KCND2: variants seen among roughly 807,000 people sequenced by gnomAD.
KCND2 encodes A-type voltage-gated potassium channel KCND2.
In KCND2, 16 loss-of-function variants were observed where a neutral mutation model predicts 54.4. That is an observed-to-expected ratio of 0.29 (90% CI 0.20 to 0.45). The LOEUF (loss-of-function observed/expected upper bound fraction) is 0.45, where lower values mean the gene tolerates loss of function less well. KCND2 is among the 20% of genes least tolerant of loss of function. The pLI is 1.00. For missense variants in KCND2, 486 were observed against 824.2 expected (o/e 0.59, Z 5.02); for synonymous variants, 317 against 310.7 (o/e 1.02, Z -0.21).
At chr7:120,449,869 G>A (rs1328446443) in intron 1 of KCND2, among the ~76,000 whole-genome samples, 1 of 152,194 alleles carries the variant, frequency 6.6e-6, no homozygotes, top group African/African-American at 2.4e-5. Flanking sequence ...AAAGCATTGA[G>A]CAAAACTCAG....
chr7:120,690,606 G>A (rs1402166752), intron 1 of KCND2, among the ~76,000 whole-genome samples: 2 of 152,078 alleles, frequency 1.3e-5, no homozygotes, highest in Non-Finnish European at 2.9e-5. Context: ...GGAACAGATG[G>A]GTGTAAGAAG....
intron 1 of KCND2, among the ~76,000 whole-genome samples, chr7:120,560,105 G>A (rs1163987225): frequency 6.6e-6 from 1 of 152,060 alleles, no homozygotes; most frequent in Non-Finnish European, 1.5e-5. Context: ...ACAGCATGTT[G>A]GCCAAAATTG....
At chr7:120,643,926 A>G (rs1176267546) in intron 1 of KCND2, among the ~76,000 whole-genome samples, 1 of 151,282 alleles carries the variant, frequency 6.6e-6, no homozygotes, top group Non-Finnish European at 1.5e-5. Flanking sequence ...TTTATATGTT[A>G]TTATTTTTAG....
At chr7:120,539,213 A>G (rs77862261) in intron 1 of KCND2, among the ~76,000 whole-genome samples, 109 of 152,300 alleles carry the variant, frequency 7.2e-4, no homozygotes, top group East Asian at 5.8e-4. Flanking sequence ...ACATATTTAT[A>G]CTTTCTCATG....
At chr7:120,691,411 CA>C (rs1792267355) in intron 1 of KCND2, among the ~76,000 whole-genome samples, 1 of 152,034 alleles carries the variant, frequency 6.6e-6, no homozygotes, top group Non-Finnish European at 1.5e-5. Context: ...AGAGATTGGA[CA>C]GTAAATATAT....
chr7:120,584,760 G>T (rs73721425), intron 1 of KCND2, among the ~76,000 whole-genome samples: 2 of 152,124 alleles, frequency 1.3e-5, no homozygotes, highest in African/African-American at 4.8e-5. Flanking sequence ...GCACACACAC[G>T]CATGCGCGTG....
At chr7:120,456,702 G>C (rs1004128860) in intron 1 of KCND2, among the ~76,000 whole-genome samples, 1 of 152,146 alleles carries the variant, frequency 6.6e-6, no homozygotes, top group Admixed American at 6.5e-5. Context: ...AGCTGGCATT[G>C]AGTGTCTGTG....
chr7:120,493,773 G>C (rs1802814857), intron 1 of KCND2, among the ~76,000 whole-genome samples: 1 of 152,102 alleles, frequency 6.6e-6, no homozygotes. Context: ...CATGGGAGTG[G>C]AAACTGGTAC....
At chr7:120,592,191 A>G in intron 1 of KCND2, among the ~76,000 whole-genome samples, 1 of 152,136 alleles carries the variant, frequency 6.6e-6, no homozygotes, top group East Asian at 1.9e-4. Context: ...TTCTGACAAA[A>G]CACCATCCTG....
chr7:120,745,064 A>G (rs1031236987), intron 4 of KCND2, among the ~76,000 whole-genome samples: 4 of 152,292 alleles, frequency 2.6e-5, no homozygotes, highest in South Asian at 2.1e-4. Flanking sequence ...CCAAATGCAT[A>G]CAGAGATCAT....
rs551559751 is a variant in KCND2 at position 120,678,147 on chromosome 7, A to G, written c.1116-54756A>G. Among the ~76,000 whole-genome samples, 4 of 151,918 alleles carry G rather than the reference A, an allele frequency of 2.6e-5. No individual in the cohort carries two copies. In the East Asian group the frequency reaches 7.7e-4, roughly 29 times the overall value. Reference sequence around the variant, plus strand: ...ATTCACTGTGTTACATTTAAACATCATAATGATTCTTGAACATAAACTCTG... The same window carrying G: ...ATTCACTGTGTTACATTTAAACATCGTAATGATTCTTGAACATAAACTCTG... On this transcript the variant is annotated intron_variant, in intron 1 of 5. Coordinates refer to ENST00000331113, the MANE Select transcript of KCND2 (RefSeq NM_012281.3).
At position 120,671,509 on chromosome 7, in the gene KCND2, A is replaced by G. The variant is rs1158937341; in HGVS notation, c.1116-61394A>G. 2.0e-5 allele frequency among the ~76,000 whole-genome samples: 3 copies of G among 152,010 alleles called. No homozygotes were observed. The East Asian group carries it at 5.8e-4, about 29-fold the overall frequency. ...TACCTGAGTTCTGGATACAGGAGCC[A>G]CTCAGTAAATATTTGTCGCATTAAA... On this transcript the variant is annotated intron_variant, in intron 1 of 5. Transcript: ENST00000331113.
chr7:120,299,027 G>T (rs1221453013), intron 1 of KCND2, among the ~76,000 whole-genome samples: 1 of 152,128 alleles, frequency 6.6e-6, no homozygotes. Flanking sequence ...GGGGGCAGTG[G>T]CAGATGCCTG....
At chr7:120,343,470 G>T (rs1056670256) in intron 1 of KCND2, among the ~76,000 whole-genome samples, 19 of 152,108 alleles carry the variant, frequency 1.2e-4, no homozygotes, top group Admixed American at 4.6e-4. Flanking sequence ...GTCACAAAAG[G>T]CTGGAATACA....
chr7:120,670,602 C>T (rs1245905221), intron 1 of KCND2, among the ~76,000 whole-genome samples: 3 of 152,014 alleles, frequency 2.0e-5, no homozygotes, highest in African/African-American at 7.2e-5. Context: ...CCTCCAGCTT[C>T]CTAGGGTCTG....
At chr7:120,745,490 C>A (rs571727202) in intron 4 of KCND2, among the ~76,000 whole-genome samples, 1 of 151,412 alleles carries the variant, frequency 6.6e-6, no homozygotes, top group South Asian at 2.1e-4. Flanking sequence ...ATATACCTTC[C>A]AGATTTTATG....
At chr7:120,580,602 T>G (rs1792503350) in intron 1 of KCND2, among the ~76,000 whole-genome samples, 2 of 152,234 alleles carry the variant, frequency 1.3e-5, no homozygotes, top group South Asian at 4.1e-4. Context: ...AATGTTCTCT[T>G]TTGATTCTTG....
chr7:120,707,194 A>G (rs1257938234), intron 1 of KCND2, among the ~76,000 whole-genome samples: 1 of 152,176 alleles, frequency 6.6e-6, no homozygotes, highest in Non-Finnish European at 1.5e-5. Context: ...GATGTTTGGA[A>G]GAATTTTCCA....
intron 1 of KCND2, among the ~76,000 whole-genome samples, chr7:120,296,179 G>A (rs145141408): frequency 1.3e-5 from 2 of 152,174 alleles, no homozygotes; most frequent in East Asian, 3.9e-4. Flanking sequence ...GGCAGGGTCA[G>A]GATTTCAGTT....
Sources: allele counts gnomAD v4.1 joint callset (sites outside exome capture counted in the v4.1 genomes callset), GRCh38; gene constraint gnomAD v4.1.1; transcripts MANE v1.5; gene names NCBI Gene and HGNC (gene_info 2026-07-23, HGNC 2026-07-21).